Variants in BICRAL observed in about 807,000 individuals in gnomAD.
The protein encoded by BICRAL is BRD4-interacting chromatin-remodeling complex-associated protein-like.
A neutral mutation model predicts 91.8 loss-of-function variants in BICRAL; 8 were observed. That is an observed-to-expected ratio of 0.09 (90% CI 0.05 to 0.16). The LOEUF (loss-of-function observed/expected upper bound fraction) is 0.16, where lower values mean the gene tolerates loss of function less well. Ranked by LOEUF, BICRAL falls within the 10% of genes least tolerant of loss-of-function variation. The probability of loss-of-function intolerance (pLI) is 1.00; values close to 1 mark genes in which losing one functional copy is unlikely to be tolerated. For synonymous variants in BICRAL, 445 were observed against 491.1 expected (o/e 0.91, Z 1.24); for missense variants, 1,038 against 1,310.9 (o/e 0.79, Z 3.21).
chr6:42,780,320 A>G (rs872023), upstream of BICRAL, among the ~76,000 whole-genome samples: 2,235 of 152,240 alleles, frequency 0.015, 20 homozygotes, highest in Non-Finnish European at 0.022. Context: ...GTGTACTACC[A>G]TTACATTTTT....
intron 1 of BICRAL, among the ~76,000 whole-genome samples, chr6:42,798,256 AAT>A (rs1763467684): frequency 6.6e-6 from 1 of 152,186 alleles, no homozygotes; most frequent in South Asian, 2.1e-4. Context: ...CTATTTGGGT[AAT>A]GGGTACACTG....
chr6:42,763,346 G>A (rs189811427), intron 1 of BICRAL, among the ~76,000 whole-genome samples: 4 of 152,280 alleles, frequency 2.6e-5, no homozygotes, highest in East Asian at 1.9e-4. Context: ...TTTGGAGATC[G>A]TTTAAAAGCT....
chr6:42,845,670 C>G (rs377092051), intron 6 of BICRAL, among the ~76,000 whole-genome samples: 6 of 152,160 alleles, frequency 3.9e-5, no homozygotes, highest in African/African-American at 1.4e-4. Context: ...CCCAGGCTAT[C>G]TTTACATTAT....
At chr6:42,758,549 G>C (rs1762493962) in intron 1 of BICRAL, among the ~76,000 whole-genome samples, 1 of 152,184 alleles carries the variant, frequency 6.6e-6, no homozygotes, top group African/African-American at 2.4e-5. Flanking sequence ...TCAGAGCTCA[G>C]AAGCTAAGTA....
intron 1 of BICRAL, among the ~76,000 whole-genome samples, chr6:42,802,419 G>A (rs1002275553): frequency 2.7e-5 from 3 of 110,712 alleles, no homozygotes; most frequent in South Asian, 3.2e-4. Flanking sequence ...TCAGCTTTTC[G>A]TGTTTTTTTT....
Position 42,868,004 on chromosome 6 carries a change from T to C in BICRAL, c.*2558T>C, listed in dbSNP as rs1206887877. 37 of 152,570 alleles carry C rather than the reference T, an allele frequency of 2.4e-4. No homozygotes were observed. Among genetic ancestry groups the C allele is most frequent in the South Asian group, 4.1e-4 (2 of 4,828 alleles). 9.5% of individuals were successfully genotyped at this position (152,570 alleles called of 1,614,324 possible). On this transcript the variant is annotated 3_prime_UTR_variant, in exon 13 of 13. Transcript: ENST00000314073. ...TCAGCCTCGGATGGCCAACATTCAG[T>C]TGTTCAGGTTCATTCGTCAAAGTTA...
upstream of BICRAL, among the ~76,000 whole-genome samples, chr6:42,746,553 T>C (rs1371302167): frequency 6.7e-6 from 1 of 149,890 alleles, no homozygotes; most frequent in East Asian, 2.0e-4. Flanking sequence ...GTGAGAAAGA[T>C]GGAGCGGGGG....
At chr6:42,793,226 C>G (rs1453798353) in intron 1 of BICRAL, among the ~76,000 whole-genome samples, 3 of 134,110 alleles carry the variant, frequency 2.2e-5, no homozygotes, top group African/African-American at 5.5e-5. Flanking sequence ...TCACTGCAAG[C>G]TCTGCCTCCC....
Position 42,829,600 on chromosome 6 carries a change from C to A in BICRAL, c.1267C>A (p.Gln423Lys), listed in dbSNP as rs762716990. Residue 423 changes from glutamine to lysine, a missense_variant, in exon 6 of 13, where the codon CAA becomes AAA. Gln to Lys is a moderately conservative substitution (Grantham distance 53). Transcript: ENST00000314073. Reference sequence around the variant, plus strand: ...ACACCACGTCCAGACTATAAATGGGCAACTTCTTCAAACTCAACCCTCTCA... The same window carrying A: ...ACACCACGTCCAGACTATAAATGGGAAACTTCTTCAAACTCAACCCTCTCA... ...SVHHVQTING[Q>K]LLQTQPSQLI... The A allele has an allele frequency of 1.2e-6, 2 of 1,614,176 alleles. No homozygotes were observed. Among genetic ancestry groups the A allele is most frequent in the Non-Finnish European group, 1.7e-6 (2 of 1,180,010 alleles).
chr6:42,769,274 C>G (rs909630495), intron 1 of BICRAL, among the ~76,000 whole-genome samples: 1 of 152,206 alleles, frequency 6.6e-6, no homozygotes, highest in Non-Finnish European at 1.5e-5. Flanking sequence ...AAGCTATTAG[C>G]TATTGGCTGG....
intron 1 of BICRAL, among the ~76,000 whole-genome samples, chr6:42,798,104 C>T (rs1397324240): frequency 3.3e-5 from 5 of 151,944 alleles, no homozygotes; most frequent in Admixed American, 6.6e-5. Context: ...AATCAAATAC[C>T]ACATGTTCTC....
At chr6:42,772,955 A>C (rs556835784) in intron 1 of BICRAL, among the ~76,000 whole-genome samples, 1 of 152,194 alleles carries the variant, frequency 6.6e-6, no homozygotes, top group African/African-American at 2.4e-5. Context: ...AGACATAACA[A>C]TTTATTTAAT....
intron 1 of BICRAL, among the ~76,000 whole-genome samples, chr6:42,774,826 C>T (rs947177383): frequency 2.5e-5 from 3 of 120,218 alleles, no homozygotes; most frequent in African/African-American, 1.3e-4. Context: ...TCTCCACTCC[C>T]GTAGTTTTTT....
intron 6 of BICRAL, among the ~76,000 whole-genome samples, chr6:42,849,367 T>C (rs1765110400): frequency 6.6e-6 from 1 of 152,014 alleles, no homozygotes; most frequent in Non-Finnish European, 1.5e-5. Context: ...ATTACAGGCA[T>C]GAGTCACCAC....
Position 42,845,229 on chromosome 6 carries a change from T to G in BICRAL, c.1840-6863T>G, listed in dbSNP as rs1285568174. 1.1e-3 allele frequency among the ~76,000 whole-genome samples: 94 copies of G among 85,522 alleles called. 2 individuals are homozygous for G. Among genetic ancestry groups the G allele is most frequent in the East Asian group, 3.6e-3 (11 of 3,014 alleles). The allele number at this position is 85,522 out of a possible 152,430, so 56.1% of individuals were successfully genotyped here. ...TTTTTTTTTTTTTTTTTTTTTTTTT[T>G]TTTTTTTTTTTTTTTTTTTAGACAG... On this transcript the variant is annotated intron_variant, in intron 6 of 12. Coordinates refer to ENST00000314073, the MANE Select transcript of BICRAL (RefSeq NM_001393499.1).
At position 42,864,819 on chromosome 6, in the gene BICRAL, A is replaced by G; in HGVS notation, c.2613A>G (p.Glu871=). Residue 871 remains glutamate, a synonymous_variant, in exon 13 of 13, where the codon GAA becomes GAG. Transcript: ENST00000314073. ...ACCGAGCCAAAACCGGTGTGACGGA[A>G]CCCATGAATCATGACCAGTTTCATC... ...GRDRAKTGVT[E]PMNHDQFHLV... 6.2e-7 allele frequency: 1 copy of G among 1,614,180 alleles called. No individual in the cohort carries two copies. Among genetic ancestry groups the G allele is most frequent in the Non-Finnish European group, 8.5e-7 (1 of 1,180,032 alleles).
At chr6:42,773,227 C>G (rs776582444) in intron 1 of BICRAL, among the ~76,000 whole-genome samples, 2 of 151,536 alleles carry the variant, frequency 1.3e-5, no homozygotes, top group African/African-American at 4.9e-5. Context: ...TACAGGCACC[C>G]GCCATCATGC....
intron 2 of BICRAL, among the ~76,000 whole-genome samples, chr6:42,816,364 G>C (rs949172317): frequency 7.9e-5 from 12 of 151,416 alleles, no homozygotes; most frequent in African/African-American, 2.9e-4. Context: ...AAAAAAAAAA[G>C]TTCTGAGTAT....
chr6:42,854,365 G>A (rs377439532), intron 8 of BICRAL, among the ~76,000 whole-genome samples: 16 of 152,188 alleles, frequency 1.1e-4, no homozygotes, highest in African/African-American at 3.9e-4. Flanking sequence ...TGTATTTTTT[G>A]TAGAGATAGG....
Sources: gnomAD v4.1 joint callset for allele counts (sites outside exome capture counted in the v4.1 genomes callset) on GRCh38, gnomAD v4.1.1 for gene constraint, MANE v1.5 for transcripts, NCBI Gene and HGNC (gene_info 2026-07-23, HGNC 2026-07-21) for gene names.